The following TCF7L1 variants were observed in gnomAD, a reference collection of about 807,000 sequenced individuals.
TCF7L1 encodes transcription factor 7-like 1.
Under a neutral mutation model 63.7 loss-of-function variants are expected in TCF7L1, and 18 were observed. That is an observed-to-expected ratio of 0.28 (90% CI 0.20 to 0.42). TCF7L1 has a LOEUF of 0.42. Among genes scored for constraint, TCF7L1 ranks in the 10% least tolerant of loss-of-function variants. TCF7L1 has a pLI of 1.00. For synonymous variants in TCF7L1, 355 were observed against 340.9 expected, an observed-to-expected ratio of 1.04 and a Z score of -0.46; for missense variants, 654 against 779.3, an observed-to-expected ratio of 0.84 and a Z score of 1.91.
At chr2:85,294,534 A>G (rs1681801693) in intron 4 of TCF7L1, among the ~76,000 whole-genome samples, 1 of 152,120 alleles carries the variant, frequency 6.6e-6, no homozygotes, top group African/African-American at 2.4e-5. Context: ...TGCACTAGTA[A>G]TGGTAAACAC....
intron 3 of TCF7L1, among the ~76,000 whole-genome samples, chr2:85,215,767 T>TGGGGGGGGGGGGGGGGGG (rs1380022989): frequency 1.3e-4 from 2 of 15,248 alleles, no homozygotes; most frequent in Non-Finnish European, 2.8e-4. Flanking sequence ...GGGGTGGGGG[T>TGGGGGGGGGGGGGGGGGG]GGGGGGGGGT....
intron 3 of TCF7L1, among the ~76,000 whole-genome samples, chr2:85,170,170 C>T (rs1396400533): frequency 6.6e-6 from 1 of 152,086 alleles, no homozygotes; most frequent in Non-Finnish European, 1.5e-5. Flanking sequence ...AGTTGTGTAC[C>T]CCACCTTCCC....
chr2:85,258,838 G>A (rs961969433), intron 3 of TCF7L1, among the ~76,000 whole-genome samples: 1 of 152,254 alleles, frequency 6.6e-6, no homozygotes, highest in East Asian at 1.9e-4. Context: ...AGCCATGCCC[G>A]CCTCCGAAGG....
intron 3 of TCF7L1, among the ~76,000 whole-genome samples, chr2:85,207,792 A>G (rs1679444511): frequency 6.6e-6 from 1 of 152,188 alleles, no homozygotes; most frequent in Non-Finnish European, 1.5e-5. Flanking sequence ...CAACACTGTT[A>G]TTAAAAAGGC....
chr2:85,243,043 G>A (rs1053795800), intron 3 of TCF7L1, among the ~76,000 whole-genome samples: 1 of 152,180 alleles, frequency 6.6e-6, no homozygotes, highest in Non-Finnish European at 1.5e-5. Context: ...TTGGCTTCTA[G>A]TTGAACCTCA....
intron 3 of TCF7L1, among the ~76,000 whole-genome samples, chr2:85,226,996 C>A (rs1362927199): frequency 1.3e-5 from 2 of 152,088 alleles, no homozygotes; most frequent in Non-Finnish European, 2.9e-5. Context: ...TACCCTGTGA[C>A]CCTGCAGGAT....
Position 85,153,340 on chromosome 2 carries a change from A to ATTTTTTTT in TCF7L1, c.441+18902_441+18909dup, listed in dbSNP as rs66697146. On this transcript the variant is annotated intron_variant, in intron 3 of 11. Coordinates refer to ENST00000282111, the MANE Select transcript of TCF7L1 (RefSeq NM_031283.3). ...TTCATGATCTTGCTAGCCTTTATAA[A>ATTTTTTTT]TTTTTTTTTTTTTTTTTTTGAGATG... 2.6e-3 allele frequency among the ~76,000 whole-genome samples: 265 copies of ATTTTTTTT among 102,240 alleles called. 4 individuals are homozygous for ATTTTTTTT. Among genetic ancestry groups the ATTTTTTTT allele is most frequent in the East Asian group, 0.012 (38 of 3,232 alleles). The allele number at this position is 102,240 out of a possible 152,430, so 67.1% of individuals were successfully genotyped here. A position where few individuals can be genotyped will look rare whatever the true frequency, so the allele number is the denominator to read the frequency against.
chr2:85,274,249 C>A (rs900693406), intron 3 of TCF7L1, among the ~76,000 whole-genome samples: 1 of 152,162 alleles, frequency 6.6e-6, no homozygotes, highest in East Asian at 1.9e-4. Context: ...AGGCAGCTTG[C>A]GACTCAGCAG....
rs185551333 is a variant in TCF7L1 at position 85,288,457 on chromosome 2, C to T, written c.525+4879C>T. ...GTGTGAGCAGAACTTGAAGGTTTTT[C>T]GGAGGGAGTCACAGAGGTTTGGACA... On this transcript the variant is annotated intron_variant, in intron 4 of 11. Coordinates refer to ENST00000282111, the MANE Select transcript of TCF7L1 (RefSeq NM_031283.3). Among the ~76,000 whole-genome samples the T allele has an allele frequency of 1.2e-3, 179 of 152,204 alleles. 1 individual carries two copies. Among genetic ancestry groups the T allele is most frequent in the Middle Eastern group, 6.8e-3 (2 of 294 alleles).
intron 3 of TCF7L1, among the ~76,000 whole-genome samples, chr2:85,182,751 G>C (rs377369454): frequency 1.1e-4 from 16 of 152,222 alleles, no homozygotes; most frequent in East Asian, 5.8e-4. Context: ...TCCAATGCAA[G>C]TCTGCATCAG....
In TCF7L1 at chr2:85,206,724, T is replaced by C. The variant is rs112243733; in HGVS notation, c.441+72274T>C. ...CCTAGTGCTGGAAGTCCAGAGATAA[T>C]GCCTCCCTTCAAAGAGTTTCTAGTT... On this transcript the variant is annotated intron_variant, in intron 3 of 11. Coordinates refer to ENST00000282111, the MANE Select transcript of TCF7L1 (RefSeq NM_031283.3). Among the ~76,000 whole-genome samples the C allele has an allele frequency of 9.3e-3, 1,419 of 152,308 alleles. 24 individuals carry two copies. Among genetic ancestry groups the C allele is most frequent in the African/African-American group, 0.032 (1,338 of 41,560 alleles).
At chr2:85,141,651 G>C (rs1677742175) in intron 3 of TCF7L1, among the ~76,000 whole-genome samples, 1 of 152,218 alleles carries the variant, frequency 6.6e-6, no homozygotes, top group Admixed American at 6.5e-5. Context: ...CTGTTTGTAG[G>C]AGCCATAGGG....
intron 3 of TCF7L1, among the ~76,000 whole-genome samples, chr2:85,268,235 C>T (rs1194857992): frequency 2.0e-5 from 3 of 152,174 alleles, no homozygotes; most frequent in African/African-American, 7.2e-5. Context: ...CTGTTCTCAC[C>T]CTAGGTCAGC....
Position 85,175,263 on chromosome 2 carries a change from C to T in TCF7L1, c.441+40813C>T, listed in dbSNP as rs747595831. Among the ~76,000 whole-genome samples, 3 of 152,204 alleles carry T rather than the reference C, an allele frequency of 2.0e-5. 1 individual carries two copies. The highest frequency in any genetic ancestry group is 6.3e-3 in the Middle Eastern group (2 of 316). On this transcript the variant is annotated intron_variant, in intron 3 of 11. Transcript: ENST00000282111. ...AATCAGTTTGAAGCCTGCTTTACCA[C>T]CCCCTGCCCCCACAATTGTTATTTC...
intron 3 of TCF7L1, among the ~76,000 whole-genome samples, chr2:85,178,389 A>G (rs1265000722): frequency 6.6e-6 from 1 of 152,098 alleles, no homozygotes; most frequent in Non-Finnish European, 1.5e-5. Context: ...TGAGTCATAC[A>G]TGGTTCATGT....
chr2:85,194,174 C>T (rs953660404), intron 3 of TCF7L1, among the ~76,000 whole-genome samples: 1 of 151,918 alleles, frequency 6.6e-6, no homozygotes, highest in African/African-American at 2.4e-5. Flanking sequence ...ACCTTCCCAC[C>T]GAAACAGGAG....
chr2:85,134,404 GC>G lies in TCF7L1; in HGVS notation c.398del (p.Pro133ArgfsTer19). ...YPFLMIPDLS[S>X]PYLSNGPLSP... ...TTCCTGATGATCCCGGACCTGAGCA[GC>G]CCGTACCTCTCCAACGGACCCCTGT... On this transcript the variant is annotated frameshift_variant, in exon 3 of 12. Transcript: ENST00000282111. LOFTEE classifies it high-confidence loss of function. This position sits in a 1 kb window ranked among gnomAD's most constrained non-coding sequence, Gnocchi z 5.0. 1 of 1,567,840 alleles carries G rather than the reference GC, an allele frequency of 6.4e-7. No homozygotes were observed. The highest frequency in any genetic ancestry group is 8.7e-7 in the Non-Finnish European group (1 of 1,155,738).
intron 3 of TCF7L1, among the ~76,000 whole-genome samples, chr2:85,136,793 C>T (rs1245657251): frequency 6.6e-6 from 1 of 152,184 alleles, no homozygotes; most frequent in African/African-American, 2.4e-5. Context: ...GTAAGTAAAG[C>T]AAGTGAGGAA....
chr2:85,215,512 T>C (rs1044704752), intron 3 of TCF7L1, among the ~76,000 whole-genome samples: 1 of 152,290 alleles, frequency 6.6e-6, no homozygotes. Context: ...GCTGGAGCCT[T>C]TGCTGGTTCT....
Sources: allele counts gnomAD v4.1 joint callset (sites outside exome capture counted in the v4.1 genomes callset), GRCh38; gene constraint gnomAD v4.1.1; non-coding constraint Gnocchi (gnomAD v3.1); transcripts MANE v1.5; gene names NCBI Gene and HGNC (gene_info 2026-07-23, HGNC 2026-07-21).